The following KIF13A variants were observed in gnomAD, a reference collection of about 807,000 sequenced individuals.
The protein encoded by KIF13A is kinesin-like protein KIF13A.
A neutral mutation model predicts 212.2 loss-of-function variants in KIF13A; 79 were observed. The ratio of observed to expected loss-of-function variants is 0.37; its 90% CI spans 0.31 to 0.45. The LOEUF (loss-of-function observed/expected upper bound fraction) is 0.45, where lower values mean the gene tolerates loss of function less well. Ranked by LOEUF, KIF13A falls within the 20% of genes least tolerant of loss-of-function variation. The pLI is 1.00. For missense variants in KIF13A, 1,901 were observed against 2,209.0 expected (o/e 0.86, Z 2.79); for synonymous variants, 789 against 808.6 (o/e 0.98, Z 0.41).
In KIF13A at chr6:17,777,299, A is replaced by C; in HGVS notation, c.4148T>G (p.Leu1383Arg). 1.2e-6 allele frequency: 2 copies of C among 1,613,024 alleles called. No homozygotes were observed. Among genetic ancestry groups the C allele is most frequent in the Non-Finnish European group, 8.5e-7 (1 of 1,179,386 alleles). Residue 1383 changes from leucine to arginine, a missense_variant, in exon 34 of 39, where the codon CTC becomes CGC. Physicochemically the swap from Leu to Arg is moderately radical, Grantham distance 102 (BLOSUM62 -2). Coordinates refer to ENST00000259711, the MANE Select transcript of KIF13A (RefSeq NM_022113.6). This position sits in a 1 kb window ranked among gnomAD's most constrained non-coding sequence, Gnocchi z 4.4. ...STKARHIRRS[L>R]STPNVHNVSS... is the part of the protein sequence containing the mutation. ...TACATTATGAACATTTGGTGTACTG[A>C]GGCTCCTCCGAATGTGCCGGGCTTT...
At chr6:17,862,981 C>A (rs911838929) in intron 4 of KIF13A, among the ~76,000 whole-genome samples, 46 of 151,856 alleles carry the variant, frequency 3.0e-4, no homozygotes, top group African/African-American at 1.1e-3. Flanking sequence ...AACAAAAAAA[C>A]AAAATTAGCC....
intron 17 of KIF13A, among the ~76,000 whole-genome samples, chr6:17,815,292 T>A (rs904607967): frequency 1.7e-4 from 3 of 18,092 alleles, no homozygotes. Flanking sequence ...AAGCACAGCA[T>A]CACAGGGAGA....
Position 17,915,950 on chromosome 6 carries a change from AAAATAAAAATAAAAT to A in KIF13A, c.147-17785_147-17771del, listed in dbSNP as rs1774467020. Among the ~76,000 whole-genome samples, 1 of 132,158 alleles carries A rather than the reference AAAATAAAAATAAAAT, an allele frequency of 7.6e-6. No individual in the cohort carries two copies. The highest frequency in any genetic ancestry group is 1.6e-5 in the Non-Finnish European group (1 of 62,126). 86.7% of individuals were successfully genotyped at this position (132,158 alleles called of 152,430 possible). ...AGAGCCAGTCTCAAAAAAAAAAATA[AAAATAAAAATAAAAT>A]AAAATAAAATAAATTACAGTTCAAA... On this transcript the variant is annotated intron_variant, in intron 2 of 38. Coordinates refer to ENST00000259711, the MANE Select transcript of KIF13A (RefSeq NM_022113.6). This position sits in a 1 kb window ranked among gnomAD's most constrained non-coding sequence, Gnocchi z 4.4.
At chr6:17,798,417 T>C (rs543441476) in intron 22 of KIF13A, among the ~76,000 whole-genome samples, 1 of 152,334 alleles carries the variant, frequency 6.6e-6, no homozygotes, top group East Asian at 1.9e-4. Context: ...TAAAAAATGA[T>C]TAATAAAGAT....
chr6:17,793,409 A>G (rs1007943134), intron 25 of KIF13A, among the ~76,000 whole-genome samples: 3 of 152,038 alleles, frequency 2.0e-5, no homozygotes, highest in Non-Finnish European at 2.9e-5. Flanking sequence ...GATTCTTTTC[A>G]TGGAGTACTG....
chr6:17,785,768 T>C lies in KIF13A; in HGVS notation c.3362-127A>G. On this transcript the variant is annotated intron_variant, in intron 27 of 38. Transcript: ENST00000259711. The surrounding 1 kb of genome is among the most constrained non-coding windows in gnomAD (Gnocchi z 5.8). ...TCTCTACCAAAAAAAAAAAAATAGT[T>C]GGGCAGGGTGGTGGTACGCATGCCT... 1 of 896,740 alleles carries C rather than the reference T, an allele frequency of 1.1e-6. No homozygotes were observed. Among genetic ancestry groups the C allele is most frequent in the African/African-American group, 1.7e-5 (1 of 59,080 alleles). 55.5% of individuals were successfully genotyped at this position (896,740 alleles called of 1,614,324 possible). A position where few individuals can be genotyped will look rare whatever the true frequency, so the allele number is the denominator to read the frequency against.
At chr6:17,846,482 A>T (rs1481531505) in intron 9 of KIF13A, among the ~76,000 whole-genome samples, 1 of 152,050 alleles carries the variant, frequency 6.6e-6, no homozygotes, top group African/African-American at 2.4e-5. Context: ...TGTAAATAAG[A>T]CGAGGCCAGA....
chr6:17,987,436 C>T lies in KIF13A; in HGVS notation c.28G>A (p.Val10Ile). The T allele has an allele frequency of 1.5e-6, 2 of 1,346,834 alleles. No homozygotes were observed. Among genetic ancestry groups the T allele is most frequent in the East Asian group, 4.7e-5 (1 of 21,356 alleles). 83.4% of individuals were successfully genotyped at this position (1,346,834 alleles called of 1,614,324 possible). A position where few individuals can be genotyped will look rare whatever the true frequency, so the allele number is the denominator to read the frequency against. ...CGTCGGTTCATGGGCCGGACCCGGA[C>T]GGCAACTTTTACCTTGGTATCCGAC... Reference protein sequence around the residue: MSDTKVKVAVRVRPMNRREL... With the variant: MSDTKVKVAIRVRPMNRREL... The change falls in exon 1 of 39, where the codon GTC (valine) becomes ATC (isoleucine). Residue 10 changes from valine to isoleucine, a missense_variant. Coordinates refer to ENST00000259711, the MANE Select transcript of KIF13A (RefSeq NM_022113.6). The surrounding 1 kb of genome is among the most constrained non-coding windows in gnomAD (Gnocchi z 7.7).
chr6:17,880,557 G>A (rs1243084478), intron 3 of KIF13A, among the ~76,000 whole-genome samples: 1 of 150,422 alleles, frequency 6.6e-6, no homozygotes. Context: ...GAACCCAGGA[G>A]GCGGAGGTTG....
intron 17 of KIF13A, among the ~76,000 whole-genome samples, chr6:17,813,780 C>G (rs1256796256): frequency 6.6e-6 from 1 of 151,990 alleles, no homozygotes; most frequent in East Asian, 1.9e-4. Flanking sequence ...GGCTCTGATC[C>G]CATCGCCCAA....
chr6:17,934,805 A>C lies in KIF13A; in HGVS notation c.147-36625T>G, dbSNP rs1776316546. Among the ~76,000 whole-genome samples, 1 of 151,276 alleles carries C rather than the reference A, an allele frequency of 6.6e-6. No homozygotes were observed. The highest frequency in any genetic ancestry group is 1.5e-5 in the Non-Finnish European group (1 of 67,826). On this transcript the variant is annotated intron_variant, in intron 2 of 38. Transcript: ENST00000259711. This position sits in a 1 kb window ranked among gnomAD's most constrained non-coding sequence, Gnocchi z 5.4. ...CTGTCTCCAAAAAAAAAAAAAAGAC[A>C]CTTAAAAATAATACTCTTGTGCTGT...
intron 4 of KIF13A, among the ~76,000 whole-genome samples, chr6:17,859,621 T>TTTATATATATATATAC (rs1768517518): frequency 8.9e-5 from 10 of 111,806 alleles, no homozygotes; most frequent in Non-Finnish European, 1.3e-4. Flanking sequence ...CAATGTATTT[T>TTTATATATATATATAC]ATATATATAT....
intron 2 of KIF13A, among the ~76,000 whole-genome samples, chr6:17,913,307 T>A (rs932806377): frequency 1.3e-5 from 2 of 152,130 alleles, no homozygotes; most frequent in Non-Finnish European, 2.9e-5. Flanking sequence ...ATTTTCAGAA[T>A]TCGTGGATAC....
At chr6:17,911,105 T>C (rs1774023135) in intron 2 of KIF13A, among the ~76,000 whole-genome samples, 1 of 152,230 alleles carries the variant, frequency 6.6e-6, no homozygotes, top group South Asian at 2.1e-4. Context: ...TTTAAAACTC[T>C]GATGATCCCA....
intron 16 of KIF13A, among the ~76,000 whole-genome samples, chr6:17,818,881 G>A (rs552241369): frequency 6.6e-6 from 1 of 152,064 alleles, no homozygotes; most frequent in East Asian, 1.9e-4. Flanking sequence ...GTGAAAGAGT[G>A]ATACTTTTGA....
intron 2 of KIF13A, among the ~76,000 whole-genome samples, chr6:17,938,646 A>T (rs994742143): frequency 6.6e-6 from 1 of 152,188 alleles, no homozygotes; most frequent in African/African-American, 2.4e-5. Context: ...CAGAAATTTG[A>T]CAACTAAATC....
At chr6:17,917,534 C>T (rs865976603) in intron 2 of KIF13A, among the ~76,000 whole-genome samples, 2 of 152,142 alleles carry the variant, frequency 1.3e-5, no homozygotes, top group African/African-American at 4.8e-5. Context: ...AGCCACTGCA[C>T]CTGGCCTTAC....
At chr6:17,797,648 C>T (rs1043941509) in intron 22 of KIF13A, among the ~76,000 whole-genome samples, 1 of 152,168 alleles carries the variant, frequency 6.6e-6, no homozygotes, top group African/African-American at 2.4e-5. Context: ...GTAATGCCAG[C>T]ACTTCGGGAG....
At position 17,769,699 on chromosome 6, in the gene KIF13A, G is replaced by C. The variant is rs1449225121; in HGVS notation, c.4581+1415C>G. Among the ~76,000 whole-genome samples, 1 of 152,144 alleles carries C rather than the reference G, an allele frequency of 6.6e-6. No individual in the cohort carries two copies. Among genetic ancestry groups the C allele is most frequent in the Non-Finnish European group, 1.5e-5 (1 of 68,042 alleles). Reference sequence around the variant, plus strand: ...GAGTGGCTGTGCACCACAGTGATAAGTGTCATGCCAATAAACAGATCCAAT... The same window carrying C: ...GAGTGGCTGTGCACCACAGTGATAACTGTCATGCCAATAAACAGATCCAAT... On this transcript the variant is annotated intron_variant, in intron 38 of 38. Transcript: ENST00000259711. This position sits in a 1 kb window ranked among gnomAD's most constrained non-coding sequence, Gnocchi z 5.8.
Sources: gnomAD v4.1 joint callset for allele counts (sites outside exome capture counted in the v4.1 genomes callset) on GRCh38, gnomAD v4.1.1 for gene constraint, Gnocchi (gnomAD v3.1) non-coding constraint, MANE v1.5 for transcripts, NCBI Gene and HGNC (gene_info 2026-07-23, HGNC 2026-07-21) for gene names.